The following MAP3K15 variants were observed in gnomAD, a reference collection of about 807,000 sequenced individuals.
MAP3K15 encodes the protein MAPK/ERK kinase kinase 15.
In MAP3K15, 124 loss-of-function variants were observed where a neutral mutation model predicts 99.5. The observed-to-expected ratio is 1.25, with a 90% CI of 1.08 to 1.45. The LOEUF is 1.45. Ranked by LOEUF, MAP3K15 falls within the 40% of genes most tolerant of loss-of-function variation. The pLI is 0.00. For missense variants in MAP3K15, 1,242 were observed against 1,079.7 expected, an observed-to-expected ratio of 1.15 and a Z score of -2.11; for synonymous variants, 494 against 439.6, an observed-to-expected ratio of 1.12 and a Z score of -1.55.
At chrX:19,513,665 C>G (rs1387356535) in intron 1 of MAP3K15, among the ~76,000 whole-genome samples, 1 of 111,792 alleles carries the variant, frequency 8.9e-6, no homozygotes, top group Non-Finnish European at 1.9e-5. Context: ...CTTACTATTA[C>G]AGCAAAGCAA....
chrX:19,501,389 A>C (rs963327019), intron 1 of MAP3K15, among the ~76,000 whole-genome samples: 7 of 112,417 alleles, frequency 6.2e-5, no homozygotes, highest in Admixed American at 1.9e-4. Flanking sequence ...CACTACTTCC[A>C]TCCCAGCATG....
chrX:19,392,638 G>A (rs751357325), intron 16 of MAP3K15, among the ~76,000 whole-genome samples, 165 bp from the exon 17 acceptor site: 2 of 111,932 alleles, frequency 1.8e-5, no homozygotes, highest in Non-Finnish European at 1.9e-5. Flanking sequence ...GCTACAGCCA[G>A]GGAATGGACT....
chrX:19,443,022 CTTTTTTT>C (rs35963207), intron 6 of MAP3K15, among the ~76,000 whole-genome samples: 12 of 17,237 alleles, frequency 7.0e-4, no homozygotes, highest in Admixed American at 9.1e-4. Context: ...CCATGCCCGG[CTTTTTTT>C]TTTTTTTTTT....
chrX:19,447,425 A>G (rs998748797), intron 6 of MAP3K15, among the ~76,000 whole-genome samples: 1 of 111,974 alleles, frequency 8.9e-6, no homozygotes, highest in African/African-American at 3.2e-5. Flanking sequence ...ATATACTACA[A>G]AGTGTTCAAA....
chrX:19,425,494 T>A, intron 9 of MAP3K15, 37 bp downstream of exon 9: 1 of 1,144,341 alleles, frequency 8.7e-7, no homozygotes, highest in East Asian at 3.0e-5. Context: ...AGATCATGTA[T>A]TGAGATGGGT....
At chrX:19,364,834 G>A (rs988627783) in intron 25 of MAP3K15, among the ~76,000 whole-genome samples, 10 of 103,572 alleles carry the variant, frequency 9.7e-5, no homozygotes, top group South Asian at 4.5e-4. Flanking sequence ...CAGAGGTTGC[G>A]GTGAGCCAAG....
At chrX:19,430,592 C>T (rs1043008790) in intron 7 of MAP3K15, among the ~76,000 whole-genome samples, 128 of 111,818 alleles carry the variant, frequency 1.1e-3, no homozygotes, top group African/African-American at 3.6e-3. Flanking sequence ...AGTGAGTACT[C>T]TTGTTAAAAT....
Position 19,442,471 on chromosome X carries a change from A to G in MAP3K15, c.996-10863T>C, listed in dbSNP as rs780949767. Among the ~76,000 whole-genome samples the G allele has an allele frequency of 3.7e-5, 4 of 109,234 alleles. No homozygotes were observed. In the South Asian group the frequency reaches 1.6e-3, roughly 43 times the overall value. 94.9% of individuals were successfully genotyped at this position (109,234 alleles called of 115,157 possible). On this transcript the variant is annotated intron_variant, in intron 6 of 28. Coordinates refer to ENST00000338883, the MANE Select transcript of MAP3K15 (RefSeq NM_001001671.4). ...ACTCATTATGTGGCTCTCTTCTAAT[A>G]CTATACCACAGTTGATCATTAGTCA...
rs1187641554 is a variant in MAP3K15 at position 19,409,923 on chromosome X, C to T, written c.1748+1G>A. ...AACTCCATTTTCTCCTATGTTCTTA[C>T]CTTATTCCCTTTATGGAAGAGGCTG... On this transcript the variant is annotated splice_donor_variant, in intron 12 of 28. Transcript: ENST00000338883. LOFTEE classifies it high-confidence loss of function. 1.7e-6 allele frequency: 2 copies of T among 1,191,424 alleles called. No homozygotes were observed. Among genetic ancestry groups the T allele is most frequent in the Non-Finnish European group, 2.3e-6 (2 of 878,964 alleles).
At chrX:19,481,497 AG>A (rs760990107) in intron 3 of MAP3K15, among the ~76,000 whole-genome samples, 1 of 111,854 alleles carries the variant, frequency 8.9e-6, no homozygotes, top group African/African-American at 3.2e-5. Flanking sequence ...ATATACCAAA[AG>A]CACGATCCAT....
At chrX:19,475,322 G>A (rs73455658) in intron 3 of MAP3K15, among the ~76,000 whole-genome samples, 6,182 of 110,800 alleles carry the variant, frequency 0.056, 353 homozygotes, top group African/African-American at 0.17. Flanking sequence ...GCGTTCGGGC[G>A]GTAATGCGAG....
chrX:19,402,071 T>A (rs1042521039), intron 13 of MAP3K15, among the ~76,000 whole-genome samples: 1 of 110,552 alleles, frequency 9.0e-6, no homozygotes, highest in Non-Finnish European at 1.9e-5. Context: ...GAAGACTGCT[T>A]GAGGCCAGGA....
chrX:19,413,256 T>A (rs1275541996), intron 11 of MAP3K15, 101 bp downstream of exon 11: 12 of 564,803 alleles, frequency 2.1e-5, no homozygotes, highest in Non-Finnish European at 3.5e-5. Flanking sequence ...TATATTCTCA[T>A]AATTCAGAAG....
chrX:19,447,287 C>G (rs1222987745), intron 6 of MAP3K15, among the ~76,000 whole-genome samples: 1 of 111,477 alleles, frequency 9.0e-6, no homozygotes, highest in African/African-American at 3.3e-5. Context: ...AGGAGGAGAA[C>G]TGGGATAGAA....
At chrX:19,409,281 T>C (rs1358874797) in intron 12 of MAP3K15, among the ~76,000 whole-genome samples, 1 of 111,262 alleles carries the variant, frequency 9.0e-6, no homozygotes, top group Non-Finnish European at 1.9e-5. Context: ...AACTGAGACT[T>C]AGAGAAGCTG....
In MAP3K15 at chrX:19,419,335, T is replaced by C. The variant is rs778507164; in HGVS notation, c.1440-4078A>G. Reference sequence around the variant, plus strand: ...CACACATAGGCTCAAAATAAACGGATGGAGGAAGATCTACCAAGCAAATGG... The same window carrying C: ...CACACATAGGCTCAAAATAAACGGACGGAGGAAGATCTACCAAGCAAATGG... On this transcript the variant is annotated intron_variant, in intron 9 of 28. Coordinates refer to ENST00000338883, the MANE Select transcript of MAP3K15 (RefSeq NM_001001671.4). 4.9e-3 allele frequency among the ~76,000 whole-genome samples: 533 copies of C among 109,582 alleles called. 6 individuals are homozygous for C. The highest frequency in any genetic ancestry group is 0.016 in the African/African-American group (490 of 29,794).
At chrX:19,385,169 T>C (rs1038954253) in intron 18 of MAP3K15, among the ~76,000 whole-genome samples, 18 of 111,934 alleles carry the variant, frequency 1.6e-4, no homozygotes, top group African/African-American at 5.5e-4. Context: ...TGGGTGGACC[T>C]GGCTCAGGGT....
chrX:19,504,419 T>C (rs1044066972), intron 1 of MAP3K15, among the ~76,000 whole-genome samples: 7 of 110,568 alleles, frequency 6.3e-5, no homozygotes, highest in Non-Finnish European at 1.3e-4. Flanking sequence ...CCAAGGGATA[T>C]GAAGAAATGT....
intron 14 of MAP3K15, among the ~76,000 whole-genome samples, 174 bp from the exon 15 acceptor site, chrX:19,398,533 G>C (rs2063584879): frequency 8.9e-6 from 1 of 112,045 alleles, no homozygotes; most frequent in African/African-American, 3.2e-5. Flanking sequence ...TAAAGGGGCA[G>C]AATTCTCCAT....
Sources: gnomAD v4.1 joint callset for allele counts (sites outside exome capture counted in the v4.1 genomes callset) on GRCh38, gnomAD v4.1.1 for gene constraint, MANE v1.5 for transcripts, NCBI Gene and HGNC (gene_info 2026-07-23, HGNC 2026-07-21) for gene names.